PHF8: variants seen among roughly 807,000 people sequenced by gnomAD.
PHF8 encodes the protein histone lysine demethylase PHF8.
Under a neutral mutation model 74.4 loss-of-function variants are expected in PHF8, and 9 were observed. That is an observed-to-expected ratio of 0.12 (90% confidence interval 0.07 to 0.21). The LOEUF (loss-of-function observed/expected upper bound fraction) is 0.21. Ranked by LOEUF, PHF8 falls within the 10% of genes least tolerant of loss-of-function variation. The pLI, the probability that PHF8 is intolerant of heterozygous loss-of-function variation, is 1.00. For missense variants in PHF8, 478 were observed against 816.6 expected (o/e 0.59, Z 5.05); for synonymous variants, 311 against 316.6 (o/e 0.98, Z 0.19).
chrX:53,984,836 CCT>C, intron 18 of PHF8, 76 bp downstream of exon 18: 1 of 785,432 alleles, frequency 1.3e-6, no homozygotes, highest in South Asian at 2.1e-5. Context: ...TACAAGCTGT[CCT>C]CTATTGGGAC....
chrX:54,006,545 G>A (rs1253448980), intron 8 of PHF8, among the ~76,000 whole-genome samples: 1 of 111,884 alleles, frequency 8.9e-6, no homozygotes, highest in Admixed American at 9.6e-5. Context: ...CTAGTAGACT[G>A]TGATATGCTA....
At chrX:54,037,000 TAAAAAAAAAA>T (rs56902207) in intron 2 of PHF8, among the ~76,000 whole-genome samples, 1 of 63,250 alleles carries the variant, frequency 1.6e-5, no homozygotes, top group Non-Finnish European at 3.1e-5. Flanking sequence ...TCAGAAAAAA[TAAAAAAAAAA>T]AAAAAAAGAA....
At chrX:54,029,711 T>C (rs782231510) in intron 2 of PHF8, among the ~76,000 whole-genome samples, 13 of 111,908 alleles carry the variant, frequency 1.2e-4, no homozygotes, top group East Asian at 8.5e-4. Context: ...CACCTGCACC[T>C]GGGCCCAGTG....
At chrX:53,993,017 T>C in intron 13 of PHF8, 178 bp from the exon 14 acceptor site, 1 of 465,199 alleles carries the variant, frequency 2.1e-6, no homozygotes, top group Non-Finnish European at 3.8e-6. Context: ...TGAAAATGTG[T>C]GGTTGGTTCA....
chrX:54,017,467 T>C (rs143093531), intron 5 of PHF8, among the ~76,000 whole-genome samples, 194 bp downstream of exon 5: 1 of 111,835 alleles, frequency 8.9e-6, no homozygotes, highest in Non-Finnish European at 1.9e-5. Flanking sequence ...AATGAGTGAA[T>C]GCATGAAAGG....
At chrX:54,045,346 A>C (rs1439135821), upstream of PHF8, 3 of 117,699 alleles carry the variant, frequency 2.5e-5, no homozygotes, top group Non-Finnish European at 5.3e-5. Context: ...ATTCTCTAGG[A>C]GTTATCTTAC....
At chrX:53,964,358 T>A (rs1557091814) in intron 18 of PHF8, among the ~76,000 whole-genome samples, 1 of 110,791 alleles carries the variant, frequency 9.0e-6, no homozygotes, top group Non-Finnish European at 1.9e-5. Context: ...GTTCTGCACA[T>A]GTATCCCAGA....
intron 19 of PHF8, among the ~76,000 whole-genome samples, chrX:53,952,887 C>CAAAAA (rs781901722): frequency 4.5e-5 from 2 of 44,854 alleles, no homozygotes; most frequent in Non-Finnish European, 8.7e-5. Context: ...GACTCTGCCT[C>CAAAAA]AAAAAAAAAA....
At chrX:53,976,111 C>T (rs1423006338) in intron 18 of PHF8, among the ~76,000 whole-genome samples, 3 of 109,210 alleles carry the variant, frequency 2.7e-5, no homozygotes, top group Non-Finnish European at 3.8e-5. Context: ...GTCAGGAGCT[C>T]GAGACCAGCC....
intron 8 of PHF8, among the ~76,000 whole-genome samples, chrX:54,009,801 C>CCACTA (rs2065950704): frequency 1.2e-5 from 1 of 86,053 alleles, no homozygotes; most frequent in Admixed American, 1.5e-4. Flanking sequence ...CGGGATCGCA[C>CCACTA]CACTACACTC....
chrX:53,977,290 G>T (rs919548773), intron 18 of PHF8, among the ~76,000 whole-genome samples: 4 of 112,242 alleles, frequency 3.6e-5, no homozygotes, highest in Non-Finnish European at 1.9e-5. Flanking sequence ...AGCCGAGATC[G>T]TGCCACTGCA....
intron 10 of PHF8, among the ~76,000 whole-genome samples, chrX:54,001,339 G>GA (rs1297140231): frequency 1.9e-4 from 19 of 99,188 alleles, no homozygotes; most frequent in Middle Eastern, 5.2e-3. Context: ...AAAAGAAAAA[G>GA]AAAAAAAAAA....
intron 21 of PHF8, 105 bp from the exon 22 acceptor site, chrX:53,939,351 C>T (rs2149766590): frequency 1.6e-6 from 1 of 623,231 alleles, no homozygotes; most frequent in Non-Finnish European, 2.5e-6. Flanking sequence ...TCTCTACCCA[C>T]AAAGTTTCTC....
intron 14 of PHF8, among the ~76,000 whole-genome samples, chrX:53,992,012 G>A (rs976869216): frequency 9.0e-6 from 1 of 111,723 alleles, no homozygotes; most frequent in African/African-American, 3.3e-5. Flanking sequence ...TATTTCTAAC[G>A]CTTGTATATT....
Position 54,044,257 on chromosome X carries a change from C to CGTGG in PHF8, c.-589_-588insCCAC. On this transcript the variant is annotated 5_prime_UTR_variant, in exon 1 of 22. Transcript: ENST00000338154. Reference sequence around the variant, plus strand: ...CCAACGGGGAAAGAGATGAACCGGCCGCCACGTCCGAGGCACACGGCCCGA... The same window carrying CGTGG: ...CCAACGGGGAAAGAGATGAACCGGCCGTGGGCCACGTCCGAGGCACACGGCCCGA... The CGTGG allele has an allele frequency of 5.3e-6, 4 of 754,910 alleles. No homozygotes were observed. Among genetic ancestry groups the CGTGG allele is most frequent in the Non-Finnish European group, 6.3e-6 (4 of 639,294 alleles). 62.2% of individuals were successfully genotyped at this position (754,910 alleles called of 1,213,427 possible). A position where few individuals can be genotyped will look rare whatever the true frequency, so the allele number is the denominator to read the frequency against.
chrX:53,939,078 T>C lies in PHF8; in HGVS notation c.*80A>G, dbSNP rs1164151594. The C allele has an allele frequency of 2.0e-5, 24 of 1,180,223 alleles. No individual in the cohort carries two copies. The highest frequency in any genetic ancestry group is 2.4e-4 in the Middle Eastern group (1 of 4,106). ...ACCTCAGCACCTTGTCCAGGGCAGA[T>C]AGGATCCAGGAGTGCCCCAAGAGTT... On this transcript the variant is annotated 3_prime_UTR_variant, in exon 22 of 22. Coordinates refer to ENST00000338154, the MANE Select transcript of PHF8 (RefSeq NM_015107.3).
At chrX:54,036,943 C>T (rs1239737225) in intron 2 of PHF8, among the ~76,000 whole-genome samples, 3 of 101,438 alleles carry the variant, frequency 3.0e-5, no homozygotes, top group African/African-American at 1.1e-4. Flanking sequence ...GAGGTTGCAG[C>T]GAGCCGAGAT....
intron 19 of PHF8, among the ~76,000 whole-genome samples, chrX:53,956,454 G>A (rs992760432): frequency 1.8e-5 from 2 of 111,128 alleles, no homozygotes; most frequent in South Asian, 7.5e-4. Flanking sequence ...ATCTTTTTGG[G>A]GGGAATACCA....
Position 54,043,780 on chromosome X carries a change from C to T in PHF8, c.-111G>A, listed in dbSNP as rs1014882507. ...AACTTACAGGAATCTTAACGCTTCC[C>T]CAACTGACAGGAACCTCCTCACGCC... On this transcript the variant is annotated 5_prime_UTR_variant, in exon 1 of 22. Transcript: ENST00000338154. 6.7e-6 allele frequency: 5 copies of T among 744,827 alleles called. No individual in the cohort carries two copies. The African/African-American group carries it at 1.2e-4, about 17-fold the overall frequency. The allele number at this position is 744,827 out of a possible 1,213,427, so 61.4% of individuals were successfully genotyped here. A position where few individuals can be genotyped will look rare whatever the true frequency, so the allele number is the denominator to read the frequency against.
Sources: allele counts gnomAD v4.1 joint callset (sites outside exome capture counted in the v4.1 genomes callset), GRCh38; gene constraint gnomAD v4.1.1; transcripts MANE v1.5; gene names NCBI Gene and HGNC (gene_info 2026-07-23, HGNC 2026-07-21).